Variants in TENM3 observed in about 807,000 individuals in gnomAD.
The protein encoded by TENM3 is teneurin transmembrane protein 3.
Under a neutral mutation model 255.1 loss-of-function variants are expected in TENM3, and 63 were observed. The observed-to-expected ratio is 0.25, with a 90% confidence interval of 0.20 to 0.30. The LOEUF is 0.30. Ranked by LOEUF, TENM3 falls within the 10% of genes least tolerant of loss-of-function variation. The pLI is 1.00. For synonymous variants in TENM3, 1,306 were observed against 1,322.3 expected (o/e 0.99, Z 0.27); for missense variants, 2,929 against 3,461.1 (o/e 0.85, Z 3.86).
intron 3 of TENM3, among the ~76,000 whole-genome samples, chr4:182,416,760 A>T (rs12509703): frequency 0.079 from 12,052 of 152,248 alleles, 774 homozygotes; most frequent in East Asian, 0.22. Context: ...TATGCAAAAC[A>T]TGCTCTTTCC....
At chr4:182,675,512 A>G (rs1301958354) in intron 7 of TENM3, among the ~76,000 whole-genome samples, 2 of 151,972 alleles carry the variant, frequency 1.3e-5, no homozygotes, top group Non-Finnish European at 2.9e-5. Flanking sequence ...ATTGCACTCC[A>G]GCCTGGACGA....
chr4:181,864,246 C>T, the TENM3 span, among the ~76,000 whole-genome samples: 256 of 152,282 alleles, frequency 1.7e-3, 1 homozygote, highest in African/African-American at 5.8e-3. Context: ...CAGTTCTGTC[C>T]ATCAGGCTGA....
intron 4 of TENM3, among the ~76,000 whole-genome samples, chr4:182,607,652 G>A (rs1414797672): frequency 1.3e-5 from 2 of 152,084 alleles, no homozygotes; most frequent in Non-Finnish European, 2.9e-5. Flanking sequence ...ACAATAGAGT[G>A]GGAGTGTTAT....
intron 26 of TENM3, among the ~76,000 whole-genome samples, chr4:182,795,302 T>G (rs957470826): frequency 4.6e-5 from 7 of 152,166 alleles, no homozygotes; most frequent in African/African-American, 1.7e-4. Context: ...TCCTCTGATT[T>G]TCACTGTTAT....
chr4:181,730,939 T>A, the TENM3 span, among the ~76,000 whole-genome samples: 1 of 152,310 alleles, frequency 6.6e-6, no homozygotes, highest in African/African-American at 2.4e-5. Context: ...GTTTTCAGTA[T>A]GGAAAACGAG....
the TENM3 span, among the ~76,000 whole-genome samples, chr4:181,843,676 G>A: frequency 1.3e-5 from 2 of 151,038 alleles, no homozygotes; most frequent in African/African-American, 4.9e-5. Context: ...CTGGAGGCTT[G>A]GAAATTTGAG....
At chr4:181,675,304 A>C in the TENM3 span, among the ~76,000 whole-genome samples, 1 of 152,054 alleles carries the variant, frequency 6.6e-6, no homozygotes. Context: ...AGTTTGGAAA[A>C]TGAGTTATAT....
At chr4:181,968,954 C>A in the TENM3 span, among the ~76,000 whole-genome samples, 1 of 146,960 alleles carries the variant, frequency 6.8e-6, no homozygotes, top group East Asian at 2.0e-4. Flanking sequence ...AACTAGAATA[C>A]CTCTCTTGTC....
chr4:181,617,606 T>C, the TENM3 span, among the ~76,000 whole-genome samples: 1 of 152,156 alleles, frequency 6.6e-6, no homozygotes, highest in Non-Finnish European at 1.5e-5. Context: ...CCATGGTGAT[T>C]AGTTGGAGGT....
At chr4:181,627,943 A>G in the TENM3 span, among the ~76,000 whole-genome samples, 1 of 152,230 alleles carries the variant, frequency 6.6e-6, no homozygotes, top group South Asian at 2.1e-4. Context: ...ACTAGTTTAC[A>G]GTCCCACCAA....
rs1170406777 is a variant in TENM3 at position 182,796,629 on chromosome 4, TCTC to T, written c.7214-5_7214-3del. ...CAACACCTTTCATTCTGAACATTCTTCTCCTAGATGTTAACAGCTGGCTGGTGA... is the reference window on the plus strand; with the variant it reads ...CAACACCTTTCATTCTGAACATTCTTCTAGATGTTAACAGCTGGCTGGTGA... On this transcript the variant is annotated splice_polypyrimidine_tract_variant and splice_region_variant and intron_variant, in intron 26 of 27. Transcript: ENST00000511685. 1 of 1,598,114 alleles carries T rather than the reference TCTC, an allele frequency of 6.3e-7. No individual in the cohort carries two copies. The highest frequency in any genetic ancestry group is 8.5e-7 in the Non-Finnish European group (1 of 1,172,954).
Position 182,802,557 on chromosome 4 carries a change from T to C in TENM3, c.*2206T>C, listed in dbSNP as rs1767048725. On this transcript the variant is annotated 3_prime_UTR_variant, in exon 28 of 28. Coordinates refer to ENST00000511685, the MANE Select transcript of TENM3 (RefSeq NM_001080477.4). ...CATGACAGAAGTGAGATCATAGTCT[T>C]AACCTCTTCTTGACGTGGACTGGTC... The C allele has an allele frequency of 6.6e-6, 1 of 152,668 alleles. No individual in the cohort carries two copies. The highest frequency in any genetic ancestry group is 1.5e-5 in the Non-Finnish European group (1 of 68,048). The allele number at this position is 152,668 out of a possible 1,614,324, so 9.5% of individuals were successfully genotyped here. A position where few individuals can be genotyped will look rare whatever the true frequency, so the allele number is the denominator to read the frequency against.
intron 3 of TENM3, among the ~76,000 whole-genome samples, chr4:182,396,966 T>TA: frequency 1.3e-5 from 2 of 149,320 alleles, no homozygotes; most frequent in African/African-American, 4.9e-5. Flanking sequence ...TGTCTCAAAA[T>TA]AAAAAAATAA....
the TENM3 span, among the ~76,000 whole-genome samples, chr4:181,956,652 C>T: frequency 6.6e-6 from 1 of 152,292 alleles, no homozygotes. Flanking sequence ...TCTTTGATTA[C>T]TTGCACAAAT....
the TENM3 span, among the ~76,000 whole-genome samples, chr4:182,023,685 G>C: frequency 8.5e-5 from 13 of 152,220 alleles, no homozygotes; most frequent in Non-Finnish European, 1.6e-4. Flanking sequence ...ATTTGTTTGC[G>C]TGTTTGTTTT....
At chr4:181,694,507 G>T in the TENM3 span, among the ~76,000 whole-genome samples, 53 of 152,278 alleles carry the variant, frequency 3.5e-4, no homozygotes, top group Middle Eastern at 0.01. Context: ...GCAAAGGCAA[G>T]CTTAGAATTT....
chr4:182,794,440 C>T (rs1766342120), intron 26 of TENM3, among the ~76,000 whole-genome samples: 2 of 152,144 alleles, frequency 1.3e-5, no homozygotes, highest in South Asian at 4.1e-4. Context: ...TACAAGGTGA[C>T]ACCATTTCAT....
chr4:181,673,447 T>C, the TENM3 span, among the ~76,000 whole-genome samples: 1 of 152,182 alleles, frequency 6.6e-6, no homozygotes, highest in Non-Finnish European at 1.5e-5. Context: ...ATATTATTGG[T>C]TGGTGATAAG....
intron 23 of TENM3, among the ~76,000 whole-genome samples, chr4:182,774,451 C>T (rs1021592579): frequency 6.6e-6 from 1 of 152,104 alleles, no homozygotes; most frequent in East Asian, 1.9e-4. Flanking sequence ...TCGGAGGGAA[C>T]ATTGCTTTCT....
Sources: gnomAD v4.1 joint callset for allele counts (sites outside exome capture counted in the v4.1 genomes callset) on GRCh38, gnomAD v4.1.1 for gene constraint, MANE v1.5 for transcripts, NCBI Gene and HGNC (gene_info 2026-07-23, HGNC 2026-07-21) for gene names.